The following TRAPPC9 variants were observed in gnomAD, a reference collection of about 807,000 sequenced individuals.
TRAPPC9 encodes the protein trafficking protein particle complex subunit 9.
Under a neutral mutation model 124.0 loss-of-function variants are expected in TRAPPC9, and 83 were observed. That is an observed-to-expected ratio of 0.67 (90% CI 0.56 to 0.80). The LOEUF is 0.80. Among genes scored for constraint, TRAPPC9 ranks in the 30% least tolerant of loss-of-function variants. The pLI is 0.00. For synonymous variants in TRAPPC9, 638 were observed against 617.5 expected, an observed-to-expected ratio of 1.03 and a Z score of -0.49; for missense variants, 1,302 against 1,508.3, an observed-to-expected ratio of 0.86 and a Z score of 2.27.
At chr8:139,812,580 G>A (rs542514486) in intron 21 of TRAPPC9, among the ~76,000 whole-genome samples, 6 of 152,278 alleles carry the variant, frequency 3.9e-5, no homozygotes, top group African/African-American at 1.4e-4. Context: ...CTTGTGGAAC[G>A]AATTGGCTTT....
intron 9 of TRAPPC9, among the ~76,000 whole-genome samples, chr8:140,342,528 T>C (rs1449741890): frequency 6.6e-6 from 1 of 152,214 alleles, no homozygotes; most frequent in African/African-American, 2.4e-5. Flanking sequence ...ATTCAATCCC[T>C]TCTCTCTAGT....
At position 140,063,263 on chromosome 8, in the gene TRAPPC9, A is replaced by G. The variant is rs1842732111; in HGVS notation, c.2557-39184T>C. Among the ~76,000 whole-genome samples, 1 of 152,190 alleles carries G rather than the reference A, an allele frequency of 6.6e-6. No individual in the cohort carries two copies. The highest frequency in any genetic ancestry group is 2.1e-4 in the South Asian group (1 of 4,826). ...TGGGAGCACAAAGCCTAAGCATATC[A>G]CCAACACATTTTGGTTTTCAGTTAC... is the stretch of plus-strand genomic sequence containing the variant. On this transcript the variant is annotated intron_variant, in intron 17 of 22. Coordinates refer to ENST00000438773, the MANE Select transcript of TRAPPC9 (RefSeq NM_001160372.4). This position sits in a 1 kb window ranked among gnomAD's most constrained non-coding sequence, Gnocchi z 4.3.
chr8:140,236,079 CTTTTTT>C (rs765201850), intron 16 of TRAPPC9, among the ~76,000 whole-genome samples: 2 of 111,708 alleles, frequency 1.8e-5, no homozygotes, highest in Admixed American at 9.6e-5. Context: ...ACTGTATTTC[CTTTTTT>C]TTTTTTTTTT....
chr8:140,114,013 G>A lies in TRAPPC9; in HGVS notation c.2557-89934C>T, dbSNP rs923738999. 7.9e-5 allele frequency among the ~76,000 whole-genome samples: 12 copies of A among 152,290 alleles called. No individual in the cohort carries two copies. The East Asian group carries it at 2.3e-3, about 29-fold the overall frequency. ...TCGAAGTCTCTGATCAGAATTGACT[G>A]CTTCCATAATCCCTCCCTAAGCCCT... On this transcript the variant is annotated intron_variant, in intron 17 of 22. Coordinates refer to ENST00000438773, the MANE Select transcript of TRAPPC9 (RefSeq NM_001160372.4).
intron 21 of TRAPPC9, among the ~76,000 whole-genome samples, chr8:139,827,133 C>T (rs922962999): frequency 9.2e-5 from 14 of 152,186 alleles, no homozygotes; most frequent in Admixed American, 8.5e-4. Flanking sequence ...AGGGAAGGCA[C>T]TTGCCCCACA....
intron 17 of TRAPPC9, among the ~76,000 whole-genome samples, chr8:140,160,644 G>A (rs749556344): frequency 4.0e-5 from 6 of 151,770 alleles, no homozygotes; most frequent in East Asian, 1.9e-4. Flanking sequence ...AGGGCCTGTC[G>A]GGGGGTGGGG....
chr8:140,029,507 AAAACAAAC>A (rs370910765), intron 17 of TRAPPC9, among the ~76,000 whole-genome samples: 10 of 152,100 alleles, frequency 6.6e-5, no homozygotes, highest in Non-Finnish European at 1.0e-4. Flanking sequence ...TCTGTCTCTG[AAAACAAAC>A]AAACAAACAA....
chr8:140,356,177 C>T (rs1047884273), intron 9 of TRAPPC9, among the ~76,000 whole-genome samples: 2 of 152,192 alleles, frequency 1.3e-5, no homozygotes, highest in Non-Finnish European at 2.9e-5. Context: ...ATCAACAATA[C>T]ATGAATGCTA....
At chr8:140,086,953 C>A (rs1844225197) in intron 17 of TRAPPC9, among the ~76,000 whole-genome samples, 1 of 151,928 alleles carries the variant, frequency 6.6e-6, no homozygotes, top group Non-Finnish European at 1.5e-5. Flanking sequence ...AAAAATCCCT[C>A]TCTTCATCCC....
At chr8:140,051,934 T>C (rs1486439138) in intron 17 of TRAPPC9, among the ~76,000 whole-genome samples, 1 of 151,938 alleles carries the variant, frequency 6.6e-6, no homozygotes, top group Non-Finnish European at 1.5e-5. Flanking sequence ...CTTTCCATTG[T>C]ATGCAGGGTA....
At chr8:139,846,299 C>T (rs1170328845) in intron 21 of TRAPPC9, among the ~76,000 whole-genome samples, 1 of 152,182 alleles carries the variant, frequency 6.6e-6, no homozygotes, top group African/African-American at 2.4e-5. Context: ...TAGTTCCACC[C>T]CCCACCCCCC....
At chr8:139,759,435 C>G (rs969479243) in intron 21 of TRAPPC9, among the ~76,000 whole-genome samples, 11 of 152,168 alleles carry the variant, frequency 7.2e-5, no homozygotes, top group Non-Finnish European at 1.5e-4. Flanking sequence ...GGCACCTTGG[C>G]CAGGCTGAAA....
At chr8:140,360,003 C>T in intron 9 of TRAPPC9, 47 bp downstream of exon 9, 1 of 1,613,276 alleles carries the variant, frequency 6.2e-7, no homozygotes, top group Admixed American at 1.7e-5. Context: ...AAAGTGCTCT[C>T]ATTCACAGTT....
intron 7 of TRAPPC9, among the ~76,000 whole-genome samples, chr8:140,379,141 G>A (rs573758923): frequency 3.3e-5 from 5 of 149,418 alleles, no homozygotes; most frequent in African/African-American, 1.2e-4. Context: ...CTCAGTCCAT[G>A]GCCCAGCCTG....
chr8:140,139,626 A>G lies in TRAPPC9; in HGVS notation c.2556+81833T>C, dbSNP rs988822553. Among the ~76,000 whole-genome samples, 6 of 152,332 alleles carry G rather than the reference A, an allele frequency of 3.9e-5. No homozygotes were observed. In the South Asian group the frequency reaches 1.2e-3, roughly 32 times the overall value. On this transcript the variant is annotated intron_variant, in intron 17 of 22. Transcript: ENST00000438773. ...AATGTGTAAACTACTGCCACATACA[A>G]AAACATAACATTGAGGAAAAGCCAG... is the stretch of plus-strand genomic sequence containing the variant.
intron 17 of TRAPPC9, among the ~76,000 whole-genome samples, chr8:140,162,138 G>A (rs1232992279): frequency 2.6e-5 from 4 of 152,156 alleles, no homozygotes; most frequent in Admixed American, 6.6e-5. Flanking sequence ...GAGCTGTACC[G>A]AGAGAATCCA....
intron 18 of TRAPPC9, among the ~76,000 whole-genome samples, chr8:140,020,862 G>T (rs1839795351): frequency 6.6e-6 from 1 of 152,110 alleles, no homozygotes; most frequent in Non-Finnish European, 1.5e-5. Context: ...TACTTTTGAT[G>T]ACTTGATTTT....
chr8:140,224,937 G>A (rs979538415), intron 16 of TRAPPC9, among the ~76,000 whole-genome samples: 1 of 152,234 alleles, frequency 6.6e-6, no homozygotes, highest in East Asian at 1.9e-4. Flanking sequence ...GCTGAGGTGC[G>A]GCTCCCCTTC....
chr8:140,197,298 G>A (rs1019320870), intron 17 of TRAPPC9, among the ~76,000 whole-genome samples: 15 of 152,350 alleles, frequency 9.8e-5, no homozygotes, highest in African/African-American at 3.6e-4. Context: ...ACGAGCCGAT[G>A]TTAACATAAG....
Sources: allele counts gnomAD v4.1 joint callset (sites outside exome capture counted in the v4.1 genomes callset), GRCh38; gene constraint gnomAD v4.1.1; non-coding constraint Gnocchi (gnomAD v3.1); transcripts MANE v1.5; gene names NCBI Gene and HGNC (gene_info 2026-07-23, HGNC 2026-07-21).